The following BRIP1 variants were observed in gnomAD, a reference collection of about 807,000 sequenced individuals.
BRIP1 encodes the protein Fanconi anemia group J protein.
Under a neutral mutation model 119.7 loss-of-function variants are expected in BRIP1, and 88 were observed. The observed-to-expected ratio is 0.74, with a 90% CI of 0.62 to 0.88. BRIP1 has a LOEUF of 0.88. Among genes scored for constraint, BRIP1 ranks in the 40% least tolerant of loss-of-function variants. The pLI is 0.00. For missense variants in BRIP1, 1,259 were observed against 1,455.4 expected (o/e 0.87, Z 2.20); for synonymous variants, 443 against 496.5 (o/e 0.89, Z 1.43).
rs75435058 is a variant in BRIP1, at chr17:61,774,694, T to C, written c.2097+1707A>G. Reference sequence around the variant, plus strand: ...TTCGCAATCAAAGAAATAAACTCAATTGGAACAAAGTATATTCGAAGGATT... The same window carrying C: ...TTCGCAATCAAAGAAATAAACTCAACTGGAACAAAGTATATTCGAAGGATT... On this transcript the variant is annotated intron_variant, in intron 14 of 19. Coordinates refer to ENST00000259008, the MANE Select transcript of BRIP1 (RefSeq NM_032043.3). The surrounding 1 kb of genome is among the most constrained non-coding windows in gnomAD (Gnocchi z 5.8). Among the ~76,000 whole-genome samples, 4,090 of 152,276 alleles carry C rather than the reference T, an allele frequency of 0.027. 170 individuals carry two copies. Among genetic ancestry groups the C allele is most frequent in the African/African-American group, 0.093 (3,845 of 41,538 alleles).
chr17:61,781,794 G>A lies in BRIP1; in HGVS notation c.1629-789C>T, dbSNP rs188331780. Reference sequence around the variant, plus strand: ...AAATTAGCCAGGTGTGGTGGCAGTCGCCTGTAACCCCAGCTACTCAGGAGG... The same window carrying A: ...AAATTAGCCAGGTGTGGTGGCAGTCACCTGTAACCCCAGCTACTCAGGAGG... On this transcript the variant is annotated intron_variant, in intron 11 of 19. Transcript: ENST00000259008. 6.3e-3 allele frequency among the ~76,000 whole-genome samples: 957 copies of A among 151,588 alleles called. 6 individuals carry two copies. The highest frequency in any genetic ancestry group is 0.022 in the African/African-American group (916 of 41,282).
intron 16 of BRIP1, among the ~76,000 whole-genome samples, chr17:61,728,083 C>A (rs1013678120): frequency 2.6e-5 from 4 of 152,028 alleles, no homozygotes; most frequent in African/African-American, 9.7e-5. Flanking sequence ...CCCGCCTCAG[C>A]CTCTGAAAGT....
At chr17:61,790,335 A>G (rs1181899186) in intron 10 of BRIP1, among the ~76,000 whole-genome samples, 2 of 152,142 alleles carry the variant, frequency 1.3e-5, no homozygotes, top group Admixed American at 1.3e-4. Flanking sequence ...ACCTGAGGTC[A>G]GGAGTTCGAG....
chr17:61,684,111 T>C lies in BRIP1; in HGVS notation c.2935A>G (p.Lys979Glu), dbSNP rs730881627. 40 of 1,613,580 alleles carry C rather than the reference T, an allele frequency of 2.5e-5. No homozygotes were observed. Among genetic ancestry groups the C allele is most frequent in the Non-Finnish European group, 3.1e-5 (36 of 1,179,860 alleles). Residue 979 changes from lysine to glutamate, a missense_variant, in exon 20 of 20, where the codon AAA becomes GAA. Around this residue, in one of 3 missense-constraint regions of BRIP1, gnomAD observed 753 missense variants for 891.8 expected, o/e 0.84. Transcript: ENST00000259008. This position sits in a 1 kb window ranked among gnomAD's most constrained non-coding sequence, Gnocchi z 4.5. ...NDPVFLEEAGKAEKIVISRST... is the reference protein window; with the variant it reads ...NDPVFLEEAGEAEKIVISRST... ...CTGGAAATCACAATTTTTTCTGCTT[T>C]CCCTGCTTCTTCCAGGAATACTGGA... is the stretch of plus-strand genomic sequence containing the variant.
intron 17 of BRIP1, among the ~76,000 whole-genome samples, chr17:61,696,198 C>CTTTTTTTTT (rs56672402): frequency 2.2e-5 from 3 of 136,918 alleles, no homozygotes; most frequent in Non-Finnish European, 1.6e-5. Context: ...CTGTTTTATG[C>CTTTTTTTTT]TTTTTTTTTT....
intron 16 of BRIP1, among the ~76,000 whole-genome samples, chr17:61,721,425 A>T (rs1438487248): frequency 6.6e-6 from 1 of 151,692 alleles, no homozygotes; most frequent in African/African-American, 2.4e-5. Flanking sequence ...GTGTGCCACC[A>T]CGCCCAGCTA....
rs2145596651 is a variant in BRIP1, at chr17:61,828,390, C to T, written c.627+18711G>A. Among the ~76,000 whole-genome samples, 1 of 152,032 alleles carries T rather than the reference C, an allele frequency of 6.6e-6. No homozygotes were observed. On this transcript the variant is annotated intron_variant, in intron 6 of 19. Transcript: ENST00000259008. This position sits in a 1 kb window ranked among gnomAD's most constrained non-coding sequence, Gnocchi z 4.1. ...AGACGGAAAGGAGAACGGCATTTTTCCTGGGGCTGGACAATAGGGAAATAC... is the reference window on the plus strand; with the variant it reads ...AGACGGAAAGGAGAACGGCATTTTTTCTGGGGCTGGACAATAGGGAAATAC...
At position 61,832,024 on chromosome 17, in the gene BRIP1, C is replaced by T. The variant is rs975348475; in HGVS notation, c.627+15077G>A. On this transcript the variant is annotated intron_variant, in intron 6 of 19. Transcript: ENST00000259008. This position sits in a 1 kb window ranked among gnomAD's most constrained non-coding sequence, Gnocchi z 5.5. Reference sequence around the variant, plus strand: ...TTCTCTAGCTGTCTGCTGAAAGGGCCTGGAGCAGCAACTCCAACAGCAATG... The same window carrying T: ...TTCTCTAGCTGTCTGCTGAAAGGGCTTGGAGCAGCAACTCCAACAGCAATG... Among the ~76,000 whole-genome samples, 3 of 152,250 alleles carry T rather than the reference C, an allele frequency of 2.0e-5. No homozygotes were observed. The highest frequency in any genetic ancestry group is 4.2e-4 in the South Asian group (2 of 4,818).
At chr17:61,790,273 G>A (rs894719921) in intron 10 of BRIP1, among the ~76,000 whole-genome samples, 3 of 152,084 alleles carry the variant, frequency 2.0e-5, no homozygotes, top group African/African-American at 4.8e-5. Flanking sequence ...AGCCAGGTGC[G>A]GTGGCTCACA....
chr17:61,799,058 T>G lies in BRIP1; in HGVS notation c.1340+42A>C, dbSNP rs547835322. ...CTGGCATAATCAAACATATTTTTCA[T>G]ATAAAGGCAGCACAAATACACTAAT... On this transcript the variant is annotated intron_variant, in intron 9 of 19. Coordinates refer to ENST00000259008, the MANE Select transcript of BRIP1 (RefSeq NM_032043.3). This position sits in a 1 kb window ranked among gnomAD's most constrained non-coding sequence, Gnocchi z 5.1. 6.4e-7 allele frequency: 1 copy of G among 1,555,214 alleles called. No individual in the cohort carries two copies. The highest frequency in any genetic ancestry group is 1.7e-5 in the Admixed American group (1 of 59,784).
rs2078857579 is a variant in BRIP1 at position 61,853,896 on chromosome 17, G to A, written c.379+3162C>T. On this transcript the variant is annotated intron_variant, in intron 4 of 19. Transcript: ENST00000259008. This position sits in a 1 kb window ranked among gnomAD's most constrained non-coding sequence, Gnocchi z 4.3. ...TTCGAACAGACATATCATCAAACAA[G>A]ATACATGGATAGCTAATAAGAACAT... is the stretch of plus-strand genomic sequence containing the variant. Among the ~76,000 whole-genome samples, 2 of 152,090 alleles carry A rather than the reference G, an allele frequency of 1.3e-5. No individual in the cohort carries two copies. The highest frequency in any genetic ancestry group is 2.4e-5 in the African/African-American group (1 of 41,406).
chr17:61,812,136 G>A (rs1206626991), intron 6 of BRIP1, among the ~76,000 whole-genome samples: 2 of 152,082 alleles, frequency 1.3e-5, no homozygotes, highest in Non-Finnish European at 2.9e-5. Context: ...GCAGTGTCAG[G>A]AGGTCAGAAT....
Position 61,780,863 on chromosome 17 carries a change from A to T in BRIP1, c.1771T>A (p.Phe591Ile), listed in dbSNP as rs876661057. Reference protein sequence around the residue: ...RQKTAVHVLNFWCLNPAVAFS... With the variant: ...RQKTAVHVLNIWCLNPAVAFS... ...ACCACAGCTGGATTTAAGCACCAAA[A>T]GTTTAGCACATGAACTGCAGTTTTC... Residue 591 changes from phenylalanine (F) to isoleucine (I), a missense_variant, in exon 12 of 20, where the codon TTT becomes ATT. Physicochemically the swap from Phe to Ile is conservative, Grantham distance 21. Around this residue, in one of 3 missense-constraint regions of BRIP1, gnomAD observed 753 missense variants for 891.8 expected, o/e 0.84. Transcript: ENST00000259008. This position sits in a 1 kb window ranked among gnomAD's most constrained non-coding sequence, Gnocchi z 5.4. 13 of 1,614,114 alleles carry T rather than the reference A, an allele frequency of 8.1e-6. No homozygotes were observed. Among genetic ancestry groups the T allele is most frequent in the Non-Finnish European group, 1.1e-5 (13 of 1,180,054 alleles).
chr17:61,806,861 C>T lies in BRIP1; in HGVS notation c.918+1606G>A, dbSNP rs1962544602. On this transcript the variant is annotated intron_variant, in intron 7 of 19. Transcript: ENST00000259008. The surrounding 1 kb of genome is among the most constrained non-coding windows in gnomAD (Gnocchi z 4.9). ...TACAAGCATGCGCCACCACGCCCAGCTAATTTTTTGTATTTTTAGTAGAGA... is the reference window on the plus strand; with the variant it reads ...TACAAGCATGCGCCACCACGCCCAGTTAATTTTTTGTATTTTTAGTAGAGA... Among the ~76,000 whole-genome samples the T allele has an allele frequency of 1.3e-5, 2 of 152,120 alleles. No individual in the cohort carries two copies. The highest frequency in any genetic ancestry group is 4.8e-5 in the African/African-American group (2 of 41,428).
Position 61,861,673 on chromosome 17 carries a change from A to G in BRIP1, c.-30-104T>C. On this transcript the variant is annotated intron_variant, in intron 1 of 19. Coordinates refer to ENST00000259008, the MANE Select transcript of BRIP1 (RefSeq NM_032043.3). The surrounding 1 kb of genome is among the most constrained non-coding windows in gnomAD (Gnocchi z 4.5). ...CTGGAAACAGAAACTGGAATTAATA[A>G]AAGTATAAACAAAACAAATGGAAAC... is the stretch of plus-strand genomic sequence containing the variant. The G allele has an allele frequency of 1.4e-6, 1 of 706,198 alleles. No homozygotes were observed. Among genetic ancestry groups the G allele is most frequent in the Non-Finnish European group, 2.5e-6 (1 of 394,522 alleles). 43.7% of individuals were successfully genotyped at this position (706,198 alleles called of 1,614,324 possible). A position where few individuals can be genotyped will look rare whatever the true frequency, so the allele number is the denominator to read the frequency against.
At chr17:61,694,680 A>G (rs140538218) in intron 17 of BRIP1, among the ~76,000 whole-genome samples, 1,562 of 151,974 alleles carry the variant, frequency 0.01, 19 homozygotes, top group African/African-American at 0.035. Flanking sequence ...CCTCACCATC[A>G]TTTGTTATTG....
At position 61,684,258 on chromosome 17, in the gene BRIP1, G is replaced by A; in HGVS notation, c.2906-118C>T. On this transcript the variant is annotated intron_variant, in intron 19 of 19. Coordinates refer to ENST00000259008, the MANE Select transcript of BRIP1 (RefSeq NM_032043.3). The surrounding 1 kb of genome is among the most constrained non-coding windows in gnomAD (Gnocchi z 4.5). The stretch of plus-strand genomic sequence containing the variant: ...AACTGTATAGGATACATAACTTAGA[G>A]CCCCCAACGAATACTAGTGGATTTT... The A allele has an allele frequency of 8.6e-7, 1 of 1,161,914 alleles. No individual in the cohort carries two copies. Among genetic ancestry groups the A allele is most frequent in the East Asian group, 2.6e-5 (1 of 38,968 alleles). 72.0% of individuals were successfully genotyped at this position (1,161,914 alleles called of 1,614,324 possible).
Position 61,704,494 on chromosome 17 carries a change from A to G in BRIP1, c.2493-10982T>C, listed in dbSNP as rs918831416. ...ATCTGTTTCATCTTGGCCTCATAAA[A>G]TAAATTGAGAAGGATTACATCTTCT... is the stretch of plus-strand genomic sequence containing the variant. On this transcript the variant is annotated intron_variant, in intron 17 of 19. Coordinates refer to ENST00000259008, the MANE Select transcript of BRIP1 (RefSeq NM_032043.3). The surrounding 1 kb of genome is among the most constrained non-coding windows in gnomAD (Gnocchi z 5.7). 6.6e-6 allele frequency among the ~76,000 whole-genome samples: 1 copy of G among 152,150 alleles called. No homozygotes were observed. The highest frequency in any genetic ancestry group is 1.9e-4 in the East Asian group (1 of 5,202).
At chr17:61,733,608 A>T (rs1432338129) in intron 16 of BRIP1, among the ~76,000 whole-genome samples, 1 of 152,172 alleles carries the variant, frequency 6.6e-6, no homozygotes, top group Non-Finnish European at 1.5e-5. Flanking sequence ...TCAATCATAA[A>T]TGTAATTTTA....
Sources: gnomAD v4.1 joint callset for allele counts (sites outside exome capture counted in the v4.1 genomes callset) on GRCh38, gnomAD v4.1.1 for gene constraint, gnomAD v4.1.1 regional missense constraint, Gnocchi (gnomAD v3.1) non-coding constraint, MANE v1.5 for transcripts, NCBI Gene and HGNC (gene_info 2026-07-23, HGNC 2026-07-21) for gene names.